GABRP: variants seen among roughly 807,000 people sequenced by gnomAD.
GABRP encodes the protein gamma-aminobutyric acid type A receptor subunit pi.
A neutral mutation model predicts 47.8 loss-of-function variants in GABRP; 52 were observed. The observed-to-expected ratio is 1.09, with a 90% confidence interval of 0.87 to 1.37. GABRP has a LOEUF of 1.37. Ranked by LOEUF, GABRP falls within the 40% of genes most tolerant of loss-of-function variation. GABRP has a pLI of 0.00. For synonymous variants in GABRP, 221 were observed against 205.8 expected (o/e 1.07, Z -0.63); for missense variants, 525 against 542.8 (o/e 0.97, Z 0.33).
At position 170,789,181 on chromosome 5, in the gene GABRP, C is replaced by A. The variant is rs756019366; in HGVS notation, c.106C>A (p.Leu36Ile). 6.2e-7 allele frequency: 1 copy of A among 1,614,222 alleles called. No homozygotes were observed. The highest frequency in any genetic ancestry group is 8.5e-7 in the Non-Finnish European group (1 of 1,180,036). ...CGTCGAGGTCGGCAGAAGTGACAAG[C>A]TTTCCCTGCCTGGCTTTGAGAACCT... is the stretch of plus-strand genomic sequence containing the variant. ...FNVEVGRSDK[L>I]SLPGFENLTA... is the part of the protein sequence containing the mutation. The change falls in exon 3 of 10, where the codon CTT becomes ATT. Residue 36 changes from leucine (L) to isoleucine (I), a missense_variant. By Grantham distance (5) the Leu-to-Ile change is conservative. Transcript: ENST00000265294.
At chr5:170,791,507 G>A (rs974352087) in intron 3 of GABRP, among the ~76,000 whole-genome samples, 4 of 152,208 alleles carry the variant, frequency 2.6e-5, no homozygotes, top group African/African-American at 9.7e-5. Context: ...CACTACCCAG[G>A]AGCTGGCTTT....
rs1375426065 is a variant in GABRP at position 170,805,754 on chromosome 5, AG to A, written c.581del (p.Arg194LysfsTer19). On this transcript the variant is annotated frameshift_variant, in exon 7 of 10. Transcript: ENST00000265294. LOFTEE classifies it high-confidence loss of function. The part of the protein sequence containing the change: ...DGNDVEFTWL[R>X]GNDSVRGLEH... ...AAATGATGTGGAGTTCACCTGGCTG[AG>A]AGGGAACGACTCTGTGCGTGGACTG... 2 of 1,614,156 alleles carry A rather than the reference AG, an allele frequency of 1.2e-6. No individual in the cohort carries two copies. Among genetic ancestry groups the A allele is most frequent in the Non-Finnish European group, 1.7e-6 (2 of 1,180,010 alleles).
intron 6 of GABRP, among the ~76,000 whole-genome samples, chr5:170,801,017 C>T (rs1352282912): frequency 6.6e-6 from 1 of 152,214 alleles, no homozygotes; most frequent in African/African-American, 2.4e-5. Flanking sequence ...TTAACAATTA[C>T]TTAATCCATG....
rs866217141 is a variant in GABRP at position 170,812,684 on chromosome 5, T to A, written c.*426T>A. On this transcript the variant is annotated 3_prime_UTR_variant, in exon 10 of 10. Coordinates refer to ENST00000265294, the MANE Select transcript of GABRP (RefSeq NM_014211.3). ...ATCTCTGCAGTGCTTATAAAATACA[T>A]TGTTGCCTATTTAGGGAGTAACATT... 8.1e-5 allele frequency: 13 copies of A among 159,988 alleles called. No individual in the cohort carries two copies. Among genetic ancestry groups the A allele is most frequent in the Non-Finnish European group, 1.7e-4 (12 of 72,378 alleles). 9.9% of individuals were successfully genotyped at this position (159,988 alleles called of 1,614,324 possible). A position where few individuals can be genotyped will look rare whatever the true frequency, so the allele number is the denominator to read the frequency against.
Position 170,794,310 on chromosome 5 carries a change from TC to T in GABRP, c.240+14del, listed in dbSNP as rs1465066226. The T allele has an allele frequency of 1.9e-6, 3 of 1,575,294 alleles. No individual in the cohort carries two copies. The highest frequency in any genetic ancestry group is 2.6e-6 in the Non-Finnish European group (3 of 1,147,026). On this transcript the variant is annotated intron_variant, in intron 4 of 9. Coordinates refer to ENST00000265294, the MANE Select transcript of GABRP (RefSeq NM_014211.3). ...CAGAGAGTAACATGGTAAGCGCTGT[TC>T]CTTTGTACTCTACCCAAGTAGTCCC...
At chr5:170,795,104 G>A (rs1357394103) in intron 4 of GABRP, 104 bp from the exon 5 acceptor site, 1 of 788,720 alleles carries the variant, frequency 1.3e-6, no homozygotes, top group East Asian at 2.5e-5. Flanking sequence ...CTTGCTCTAA[G>A]TGGAGGTGGG....
chr5:170,790,378 A>G (rs1581589692), intron 3 of GABRP, among the ~76,000 whole-genome samples: 2 of 151,932 alleles, frequency 1.3e-5, no homozygotes, highest in Non-Finnish European at 2.9e-5. Context: ...AGCCTGAGGC[A>G]CAGTGCCTGC....
At chr5:170,804,810 C>A (rs1383786681) in intron 6 of GABRP, among the ~76,000 whole-genome samples, 1 of 151,756 alleles carries the variant, frequency 6.6e-6, no homozygotes, top group Non-Finnish European at 1.5e-5. Flanking sequence ...GCCTTGTTAT[C>A]CTGAGAAAGT....
intron 3 of GABRP, among the ~76,000 whole-genome samples, chr5:170,790,705 A>T (rs1450494598): frequency 6.6e-6 from 1 of 152,122 alleles, no homozygotes; most frequent in Admixed American, 6.5e-5. Context: ...AATGACCACC[A>T]GGGAGTCCTT....
intron 5 of GABRP, among the ~76,000 whole-genome samples, chr5:170,796,596 T>G (rs1348690151): frequency 6.6e-6 from 1 of 152,154 alleles, no homozygotes; most frequent in Non-Finnish European, 1.5e-5. Context: ...TCATCAGCAG[T>G]AAAATGAGAA....
chr5:170,786,869 A>T (rs1308198853), intron 1 of GABRP, among the ~76,000 whole-genome samples: 2 of 152,172 alleles, frequency 1.3e-5, no homozygotes, highest in Non-Finnish European at 2.9e-5. Flanking sequence ...AATTTTTTTG[A>T]TATAGAGATA....
At chr5:170,793,875 C>T (rs904774829) in intron 3 of GABRP, among the ~76,000 whole-genome samples, 4 of 151,902 alleles carry the variant, frequency 2.6e-5, no homozygotes, top group Non-Finnish European at 4.4e-5. Flanking sequence ...GAGTTTGTGG[C>T]GAGCCGAGAT....
At chr5:170,805,073 C>T (rs1429506729) in intron 6 of GABRP, among the ~76,000 whole-genome samples, 1 of 148,278 alleles carries the variant, frequency 6.7e-6, no homozygotes, top group Non-Finnish European at 1.5e-5. Context: ...AGTTCAATTT[C>T]AGAAAATGTA....
intron 1 of GABRP, 100 bp from the exon 2 acceptor site, chr5:170,788,474 G>A (rs1765180762): frequency 2.7e-6 from 2 of 728,360 alleles, no homozygotes; most frequent in Admixed American, 2.2e-5. Context: ...TATGCATGCT[G>A]AGAAAATGCT....
chr5:170,786,492 G>C (rs1765134604), intron 1 of GABRP, among the ~76,000 whole-genome samples: 1 of 152,202 alleles, frequency 6.6e-6, no homozygotes, highest in Non-Finnish European at 1.5e-5. Context: ...CAGACCATGA[G>C]ACACCTTGCA....
chr5:170,803,317 A>G (rs1442386964), intron 6 of GABRP, among the ~76,000 whole-genome samples: 1 of 152,206 alleles, frequency 6.6e-6, no homozygotes, highest in Non-Finnish European at 1.5e-5. Context: ...TTGAAAACAA[A>G]GGCAATATAC....
chr5:170,800,462 A>T (rs897024284), intron 6 of GABRP, among the ~76,000 whole-genome samples: 19 of 151,522 alleles, frequency 1.3e-4, no homozygotes, highest in Non-Finnish European at 1.9e-4. Flanking sequence ...ACACTATTTT[A>T]TTTTTTTTTT....
intron 1 of GABRP, among the ~76,000 whole-genome samples, chr5:170,784,783 A>G (rs1266841234): frequency 6.6e-6 from 1 of 152,238 alleles, no homozygotes; most frequent in Non-Finnish European, 1.5e-5. Flanking sequence ...CTGAGAGGTT[A>G]AATGACTCGG....
At position 170,788,720 on chromosome 5, in the gene GABRP, G is replaced by A. The variant is rs746777951; in HGVS notation, c.53+52G>A. 1.6e-5 allele frequency: 25 copies of A among 1,560,852 alleles called. No individual in the cohort carries two copies. In the East Asian group the frequency reaches 2.2e-4, roughly 14 times the overall value. On this transcript the variant is annotated intron_variant, in intron 2 of 9. Coordinates refer to ENST00000265294, the MANE Select transcript of GABRP (RefSeq NM_014211.3). ...CTCCATCTGCGTTGCTTTGCATTCGGGCATGTGGTGGGAGGGGGCAGCTCC... is the reference window on the plus strand; with the variant it reads ...CTCCATCTGCGTTGCTTTGCATTCGAGCATGTGGTGGGAGGGGGCAGCTCC...
Sources: allele counts gnomAD v4.1 joint callset (sites outside exome capture counted in the v4.1 genomes callset), GRCh38; gene constraint gnomAD v4.1.1; transcripts MANE v1.5; gene names NCBI Gene and HGNC (gene_info 2026-07-23, HGNC 2026-07-21).